EIF3L: variants seen among roughly 807,000 people sequenced by gnomAD.
EIF3L encodes the protein eukaryotic translation initiation factor 3 subunit L, also known as eIEF associated protein HSPC021.
In EIF3L, 32 loss-of-function variants were observed where a neutral mutation model predicts 74.6. The observed-to-expected ratio is 0.43, with a 90% CI of 0.32 to 0.58. The LOEUF is 0.58. Among genes scored for constraint, EIF3L ranks in the 20% least tolerant of loss-of-function variants. The pLI is 0.06. For synonymous variants in EIF3L, 256 were observed against 254.4 expected (o/e 1.01, Z -0.06); for missense variants, 474 against 707.8 (o/e 0.67, Z 3.75).
chr22:37,884,409 A>G (rs1282073979), intron 11 of EIF3L: 1 of 152,010 alleles, frequency 6.6e-6, no homozygotes, highest in Non-Finnish European at 1.5e-5. Context: ...TTGTGTGAAC[A>G]TATGTTTTTA....
intron 5 of EIF3L, among the ~76,000 whole-genome samples, chr22:37,859,028 A>G (rs1036061579): frequency 6.6e-6 from 1 of 151,444 alleles, no homozygotes; most frequent in African/African-American, 2.4e-5. Context: ...CTCATAGGAT[A>G]TTTCCAGGTA....
In EIF3L at chr22:37,888,506, AG is replaced by A. The variant is rs1384515120; in HGVS notation, c.*44del. 1.2e-6 allele frequency: 2 copies of A among 1,605,634 alleles called. No individual in the cohort carries two copies. The highest frequency in any genetic ancestry group is 2.7e-5 in the African/African-American group (2 of 74,864). ...TCAGGAACCTGTTTTGATGTATTAT[AG>A]GCAGGAAGTGTTTTTGCTACCGTGA... is the stretch of plus-strand genomic sequence containing the variant. On this transcript the variant is annotated 3_prime_UTR_variant, in exon 13 of 13. Transcript: ENST00000652021.
intron 8 of EIF3L, among the ~76,000 whole-genome samples, chr22:37,871,507 G>T (rs1305804357): frequency 6.6e-6 from 1 of 152,142 alleles, no homozygotes; most frequent in Non-Finnish European, 1.5e-5. Context: ...TTACTTTCAG[G>T]CTGTGTGTAT....
intron 10 of EIF3L, 148 bp downstream of exon 10, chr22:37,876,159 A>G: frequency 1.3e-6 from 1 of 787,486 alleles, no homozygotes; most frequent in Non-Finnish European, 2.0e-6. Context: ...GATTGTGCCT[A>G]CTAATAGATC....
intron 8 of EIF3L, among the ~76,000 whole-genome samples, chr22:37,874,146 A>C (rs1244449384): frequency 1.3e-5 from 2 of 152,194 alleles, no homozygotes; most frequent in Non-Finnish European, 2.9e-5. Flanking sequence ...AAAAAAAAAT[A>C]AGCAAAATGA....
Position 37,855,603 on chromosome 22 carries a change from C to T in EIF3L, c.332C>T (p.Pro111Leu), listed in dbSNP as rs1324483574. The change falls in exon 4 of 13, where the codon CCT becomes CTT. Residue 111 changes from proline to leucine, a missense_variant. Physicochemically the swap from Pro to Leu is moderately conservative, Grantham distance 98. This residue lies in a region of EIF3L where 141 missense variants were observed against 197.7 expected (regional missense o/e 0.71). Transcript: ENST00000652021. ...KLTERFFKNTPWPEAEAIAPQ... is the reference protein window; with the variant it reads ...KLTERFFKNTLWPEAEAIAPQ... ...ACTGAAAGATTCTTCAAGAATACAC[C>T]TTGGCCCGAGGCTGAAGCCATTGCT... The T allele has an allele frequency of 1.2e-6, 2 of 1,614,040 alleles. No homozygotes were observed. Among genetic ancestry groups the T allele is most frequent in the Non-Finnish European group, 1.7e-6 (2 of 1,180,036 alleles).
At chr22:37,868,659 T>TTTTTTTTTTTTTG (rs1926307359) in intron 7 of EIF3L, among the ~76,000 whole-genome samples, 1 of 114,396 alleles carries the variant, frequency 8.7e-6, no homozygotes, top group Non-Finnish European at 1.7e-5. Context: ...TTTTTTTTTT[T>TTTTTTTTTTTTTG]GAGACGGAGT....
chr22:37,859,426 G>A (rs1925731042), intron 5 of EIF3L, among the ~76,000 whole-genome samples: 1 of 127,964 alleles, frequency 7.8e-6, no homozygotes, highest in African/African-American at 3.1e-5. Flanking sequence ...CTGTCGCCCA[G>A]GCTGGAGTAC....
Position 37,888,594 on chromosome 22 carries a change from T to G in EIF3L, c.*130T>G. On this transcript the variant is annotated 3_prime_UTR_variant, in exon 13 of 13. Coordinates refer to ENST00000652021, the MANE Select transcript of EIF3L (RefSeq NM_016091.4). ...AGTTAACAAGTTAAGGACCGAAGTG[T>G]TTCAAGTGGATCTCAGTAAAGGATC... The G allele has an allele frequency of 1.1e-6, 1 of 913,508 alleles. No individual in the cohort carries two copies. The highest frequency in any genetic ancestry group is 2.1e-5 in the Admixed American group (1 of 46,998). The allele number at this position is 913,508 out of a possible 1,614,324, so 56.6% of individuals were successfully genotyped here. A position where few individuals can be genotyped will look rare whatever the true frequency, so the allele number is the denominator to read the frequency against.
chr22:37,858,015 T>C (rs1569112359), intron 4 of EIF3L, among the ~76,000 whole-genome samples: 1 of 151,682 alleles, frequency 6.6e-6, no homozygotes, highest in Admixed American at 6.6e-5. Context: ...TACAAAAAAT[T>C]TTTTAAAAAA....
chr22:37,886,662 ACACT>A, intron 11 of EIF3L, 99 bp from the exon 12 acceptor site: 4 of 882,870 alleles, frequency 4.5e-6, no homozygotes, highest in Non-Finnish European at 7.1e-6. Context: ...TTTACATCTA[ACACT>A]CACCATCATT....
chr22:37,854,879 G>C (rs780518667), intron 3 of EIF3L, among the ~76,000 whole-genome samples: 51 of 152,158 alleles, frequency 3.4e-4, no homozygotes, highest in Admixed American at 2.0e-4. Flanking sequence ...GGGTTCAAGC[G>C]ATACCCCTAT....
At chr22:37,873,309 T>TTG (rs1382426568) in intron 8 of EIF3L, among the ~76,000 whole-genome samples, 6 of 149,162 alleles carry the variant, frequency 4.0e-5, no homozygotes, top group African/African-American at 1.5e-4. Context: ...TTTTGTTTTT[T>TTG]TTTTTTTGAG....
At chr22:37,849,712 A>T in intron 1 of EIF3L, 2 of 607,312 alleles carry the variant, frequency 3.3e-6, no homozygotes, top group Non-Finnish European at 5.8e-6. Context: ...CCGGAGACTA[A>T]GGCCTGTTAG....
chr22:37,860,294 A>G (rs1411351321), intron 5 of EIF3L, among the ~76,000 whole-genome samples: 1 of 151,974 alleles, frequency 6.6e-6, no homozygotes, highest in African/African-American at 2.4e-5. Flanking sequence ...TTTCTCTGAC[A>G]TGATATCCAG....
intron 12 of EIF3L, chr22:37,888,181 T>A (rs1264363917): frequency 7.1e-6 from 3 of 423,242 alleles, no homozygotes; most frequent in African/African-American, 6.1e-5. Context: ...TTCTGTCAGA[T>A]GGATAGAGCA....
Position 37,887,015 on chromosome 22 carries a change from G to A in EIF3L, c.1656+170G>A, listed in dbSNP as rs1486958443. On this transcript the variant is annotated intron_variant, in intron 12 of 12. Transcript: ENST00000652021. ...GTGATCTTAGCTCACTGCAACCTCTGCCTCCTGGGTTCAAGCGAGTCTCCC... is the reference window on the plus strand; with the variant it reads ...GTGATCTTAGCTCACTGCAACCTCTACCTCCTGGGTTCAAGCGAGTCTCCC... The A allele has an allele frequency of 1.7e-5, 8 of 471,906 alleles. No homozygotes were observed. The East Asian group carries it at 3.7e-4, about 22-fold the overall frequency. 29.2% of individuals were successfully genotyped at this position (471,906 alleles called of 1,614,324 possible).
At position 37,867,993 on chromosome 22, in the gene EIF3L, T is replaced by G. The variant is rs1423208518; in HGVS notation, c.580-2183T>G. 3.3e-5 allele frequency among the ~76,000 whole-genome samples: 5 copies of G among 151,490 alleles called. No homozygotes were observed. In the South Asian group the frequency reaches 8.3e-4, roughly 25 times the overall value. On this transcript the variant is annotated intron_variant, in intron 7 of 12. Transcript: ENST00000652021. ...AAAGAAAAAGAAAAAAAAATCATAC[T>G]TTTCTGATTTCCCATATTAATTGTC...
rs764032484 is a variant in EIF3L at position 37,877,994 on chromosome 22, C to G, written c.1398C>G (p.Leu466=). ...QLSTIRSFLK[L]YTTMPVAKLA... ...CAACCATCCGCAGCTTCCTGAAGCT[C>G]TACACCACCATGCCTGTGGCCAAGC... Residue 466 remains leucine, a synonymous_variant, in exon 11 of 13, where the codon CTC becomes CTG. Transcript: ENST00000652021. 5.0e-6 allele frequency: 8 copies of G among 1,613,432 alleles called. No individual in the cohort carries two copies. The highest frequency in any genetic ancestry group is 6.8e-6 in the Non-Finnish European group (8 of 1,179,948).
Sources: allele counts gnomAD v4.1 joint callset (sites outside exome capture counted in the v4.1 genomes callset), GRCh38; gene constraint gnomAD v4.1.1; regional missense constraint gnomAD v4.1.1; transcripts MANE v1.5; gene names NCBI Gene and HGNC (gene_info 2026-07-23, HGNC 2026-07-21).